C8orf74: variants seen among roughly 807,000 people sequenced by gnomAD.
C8orf74 encodes uncharacterized protein C8orf74.
C8orf74 carries 29 observed loss-of-function variants against 22.2 expected under a neutral mutation model. The ratio of observed to expected loss-of-function variants is 1.31; its 90% confidence interval spans 0.97 to 1.78. C8orf74 has a LOEUF of 1.78. Among genes scored for constraint, C8orf74 ranks in the 40% most tolerant of loss-of-function variants. C8orf74 has a pLI of 0.00. For synonymous variants in C8orf74, 255 were observed against 163.1 expected, an observed-to-expected ratio of 1.56 and a Z score of -4.30; for missense variants, 515 against 369.9, an observed-to-expected ratio of 1.39 and a Z score of -3.22.
intron 2 of C8orf74, among the ~76,000 whole-genome samples, chr8:10,686,117 T>C (rs910988986): frequency 6.6e-6 from 1 of 152,212 alleles, no homozygotes; most frequent in African/African-American, 2.4e-5. Context: ...TTATGTTATG[T>C]ATATTACAAC....
chr8:10,679,202 C>T (rs1799095893), intron 2 of C8orf74, among the ~76,000 whole-genome samples: 1 of 152,116 alleles, frequency 6.6e-6, no homozygotes, highest in Admixed American at 6.5e-5. Flanking sequence ...TCATTTATGG[C>T]CCTGGAACGG....
chr8:10,681,645 C>T (rs796870006), intron 2 of C8orf74, among the ~76,000 whole-genome samples: 28 of 152,346 alleles, frequency 1.8e-4, no homozygotes, highest in African/African-American at 6.7e-4. Flanking sequence ...ACCTCCCCAA[C>T]CCACCACCAC....
At chr8:10,673,219 C>T (rs1798954326) in intron 1 of C8orf74, among the ~76,000 whole-genome samples, 1 of 152,110 alleles carries the variant, frequency 6.6e-6, no homozygotes, top group African/African-American at 2.4e-5. Context: ...AGGAAAGCAA[C>T]ACTCTTGCGT....
At chr8:10,685,969 T>C (rs1472321643) in intron 2 of C8orf74, among the ~76,000 whole-genome samples, 1 of 152,140 alleles carries the variant, frequency 6.6e-6, no homozygotes, top group Non-Finnish European at 1.5e-5. Context: ...CTCAGGAGGC[T>C]GAGGCGGGAG....
Position 10,674,754 on chromosome 8 carries a change from ATCT to A in C8orf74, c.159_161del (p.Phe54del), listed in dbSNP as rs1177618948. On this transcript the variant is annotated inframe_deletion, in exon 2 of 4. Transcript: ENST00000304519. ...GCTGGACACCCTCTACGAGAGCATC[ATCT>A]TTGCAGTGGGCAAAGGCTTCCCATG... The A allele has an allele frequency of 6.2e-7, 1 of 1,607,418 alleles. No homozygotes were observed. The highest frequency in any genetic ancestry group is 8.5e-7 in the Non-Finnish European group (1 of 1,177,056).
intron 2 of C8orf74, among the ~76,000 whole-genome samples, chr8:10,683,773 G>A (rs753027390): frequency 4.6e-5 from 7 of 152,180 alleles, no homozygotes; most frequent in Non-Finnish European, 8.8e-5. Flanking sequence ...CCGTCTTTCC[G>A]GTGTCTGAGC....
In C8orf74 at chr8:10,674,650, C is replaced by A. The variant is rs1266428433; in HGVS notation, c.53C>A (p.Pro18Gln). 6.2e-7 allele frequency: 1 copy of A among 1,606,634 alleles called. No individual in the cohort carries two copies. Among genetic ancestry groups the A allele is most frequent in the African/African-American group, 1.3e-5 (1 of 74,720 alleles). ...GVKEVFQLQR[P>Q]QGRERLRRLL... ...TTCCCATGTCATTCCCTGCAGAGACCACAAGGTCGGGAGCGCCTGCGGAGG... is the reference window on the plus strand; with the variant it reads ...TTCCCATGTCATTCCCTGCAGAGACAACAAGGTCGGGAGCGCCTGCGGAGG... The change falls in exon 2 of 4, where the codon CCA (proline) becomes CAA (glutamine). Residue 18 changes from proline to glutamine, a missense_variant. Transcript: ENST00000304519.
chr8:10,696,326 G>C (rs1799496693), intron 2 of C8orf74, among the ~76,000 whole-genome samples: 1 of 151,950 alleles, frequency 6.6e-6, no homozygotes, highest in African/African-American at 2.4e-5. Context: ...CTTTGCATGG[G>C]GTAAATAATA....
At chr8:10,677,799 A>G (rs903236696) in intron 2 of C8orf74, among the ~76,000 whole-genome samples, 2 of 152,158 alleles carry the variant, frequency 1.3e-5, no homozygotes, top group Non-Finnish European at 2.9e-5. Flanking sequence ...TATATAGCCG[A>G]TGGGTGCACT....
At chr8:10,672,802 G>C (rs1563152641) in intron 1 of C8orf74, 89 bp downstream of exon 1, 1 of 1,237,548 alleles carries the variant, frequency 8.1e-7, no homozygotes, top group Non-Finnish European at 1.2e-6. Flanking sequence ...CTCTTCAGGA[G>C]ACCCCGGGGC....
chr8:10,680,798 G>A (rs112825569), intron 2 of C8orf74, among the ~76,000 whole-genome samples: 2,097 of 152,268 alleles, frequency 0.014, 43 homozygotes, highest in African/African-American at 0.048. Context: ...GAAAGAGCTG[G>A]CGTAGCTGGC....
At chr8:10,677,970 C>T (rs1799067673) in intron 2 of C8orf74, among the ~76,000 whole-genome samples, 1 of 152,230 alleles carries the variant, frequency 6.6e-6, no homozygotes, top group South Asian at 2.1e-4. Context: ...ACTGGCCTTC[C>T]TTTCCTTCCT....
chr8:10,680,311 T>C (rs1009942819), intron 2 of C8orf74, among the ~76,000 whole-genome samples: 1 of 152,234 alleles, frequency 6.6e-6, no homozygotes, highest in African/African-American at 2.4e-5. Flanking sequence ...TTTCCACCTC[T>C]GTCAAATGGG....
chr8:10,689,686 G>A (rs1308314106), intron 2 of C8orf74: 8 of 152,282 alleles, frequency 5.3e-5, no homozygotes, highest in African/African-American at 1.9e-4. Context: ...ATAAACAGTC[G>A]ATTCCCATAC....
chr8:10,683,097 C>A (rs541324925), intron 2 of C8orf74, among the ~76,000 whole-genome samples: 1 of 152,226 alleles, frequency 6.6e-6, no homozygotes, highest in South Asian at 2.1e-4. Context: ...GCCTGAGAAG[C>A]AGGCAGCCCA....
At chr8:10,688,293 C>T (rs1799304044) in intron 2 of C8orf74, 1 of 151,894 alleles carries the variant, frequency 6.6e-6, no homozygotes, top group Non-Finnish European at 1.5e-5. Context: ...GAAACTACTA[C>T]TGACTTCTAA....
chr8:10,677,865 C>T (rs893313112), intron 2 of C8orf74, among the ~76,000 whole-genome samples: 3 of 152,134 alleles, frequency 2.0e-5, no homozygotes, highest in Non-Finnish European at 2.9e-5. Context: ...CCACTAAAGC[C>T]CGTAACCATT....
At chr8:10,696,958 G>GAAAAAAAAAAAAAAA (rs60560452) in intron 2 of C8orf74, among the ~76,000 whole-genome samples, 1 of 104,326 alleles carries the variant, frequency 9.6e-6, no homozygotes, top group African/African-American at 3.3e-5. Flanking sequence ...CCAGGAGTTC[G>GAAAAAAAAAAAAAAA]AAAAAAAAAA....
At position 10,674,659 on chromosome 8, in the gene C8orf74, G is replaced by C. The variant is rs113424148; in HGVS notation, c.62G>C (p.Arg21Pro). 1 of 1,608,110 alleles carries C rather than the reference G, an allele frequency of 6.2e-7. No homozygotes were observed. The highest frequency in any genetic ancestry group is 2.2e-5 in the East Asian group (1 of 44,646). The change falls in exon 2 of 4, where the codon CGG becomes CCG. Residue 21 changes from arginine (R) to proline (P), a missense_variant. Coordinates refer to ENST00000304519, the MANE Select transcript of C8orf74 (RefSeq NM_001040032.2). The stretch of plus-strand genomic sequence containing the variant: ...CATTCCCTGCAGAGACCACAAGGTC[G>C]GGAGCGCCTGCGGAGGCTTCTGAAC... ...EVFQLQRPQG[R>P]ERLRRLLNWE... is the part of the protein sequence containing the mutation.
Sources: gnomAD v4.1 joint callset for allele counts (sites outside exome capture counted in the v4.1 genomes callset) on GRCh38, gnomAD v4.1.1 for gene constraint, MANE v1.5 for transcripts, NCBI Gene and HGNC (gene_info 2026-07-23, HGNC 2026-07-21) for gene names.